The following COL24A1 variants were observed in gnomAD, a reference collection of about 807,000 sequenced individuals.
The protein encoded by COL24A1 is collagen alpha-1(XXIV) chain.
COL24A1 carries 224 observed loss-of-function variants against 253.9 expected under a neutral mutation model. The observed-to-expected ratio is 0.88, with a 90% confidence interval of 0.79 to 0.99. COL24A1 has a LOEUF of 0.99. Among genes scored for constraint, COL24A1 ranks in the 50% least tolerant of loss-of-function variants. The pLI is 0.00. For missense variants in COL24A1, 2,131 were observed against 2,068.5 expected (o/e 1.03, Z -0.59); for synonymous variants, 685 against 673.7 (o/e 1.02, Z -0.26).
chr1:86,076,034 T>G (rs547819638), intron 7 of COL24A1, among the ~76,000 whole-genome samples: 1 of 152,278 alleles, frequency 6.6e-6, no homozygotes, highest in East Asian at 1.9e-4. Context: ...GTATTAGAAG[T>G]TCTGACCAGG....
chr1:85,821,197 T>C (rs965119280), intron 45 of COL24A1, among the ~76,000 whole-genome samples: 2 of 152,212 alleles, frequency 1.3e-5, no homozygotes, highest in African/African-American at 4.8e-5. Context: ...AAATGTTGGT[T>C]CTGCAATTGG....
chr1:85,827,227 T>C (rs1674487290), intron 43 of COL24A1, among the ~76,000 whole-genome samples: 1 of 151,934 alleles, frequency 6.6e-6, no homozygotes, highest in Admixed American at 6.6e-5. Flanking sequence ...GTGGATTACA[T>C]TTATTGAATT....
intron 9 of COL24A1, among the ~76,000 whole-genome samples, chr1:86,058,900 C>T (rs1164485774): frequency 6.6e-6 from 1 of 152,070 alleles, no homozygotes; most frequent in Non-Finnish European, 1.5e-5. Flanking sequence ...TTCCATTGTA[C>T]ATCACATCAA....
chr1:86,001,754 T>C (rs76730403), intron 19 of COL24A1, among the ~76,000 whole-genome samples: 1 of 152,090 alleles, frequency 6.6e-6, no homozygotes, highest in Non-Finnish European at 1.5e-5. Context: ...GGAGGAAATA[T>C]ATATACACAC....
intron 2 of COL24A1, among the ~76,000 whole-genome samples, chr1:86,138,051 T>C: frequency 6.6e-6 from 1 of 152,306 alleles, no homozygotes; most frequent in Admixed American, 6.5e-5. Context: ...AAACTAGTAT[T>C]TTCCTTCATT....
At chr1:85,995,310 T>G (rs1037467760) in intron 19 of COL24A1, among the ~76,000 whole-genome samples, 7 of 152,186 alleles carry the variant, frequency 4.6e-5, no homozygotes, top group Admixed American at 3.9e-4. Flanking sequence ...GGTCTTGAAC[T>G]TCTGGCCTCA....
intron 24 of COL24A1, among the ~76,000 whole-genome samples, chr1:85,922,484 A>G (rs886871111): frequency 9.9e-5 from 15 of 152,246 alleles, no homozygotes; most frequent in Non-Finnish European, 1.6e-4. Context: ...CAGAAACTCT[A>G]TAAGCCAGAA....
chr1:86,051,456 T>C (rs1034433906), intron 10 of COL24A1, among the ~76,000 whole-genome samples: 6 of 152,058 alleles, frequency 3.9e-5, no homozygotes, highest in Non-Finnish European at 5.9e-5. Flanking sequence ...AGCTAAGTCC[T>C]GAAGAAAAGA....
At chr1:85,872,049 C>T (rs1392661701) in intron 35 of COL24A1, among the ~76,000 whole-genome samples, 1 of 152,064 alleles carries the variant, frequency 6.6e-6, no homozygotes, top group Non-Finnish European at 1.5e-5. Flanking sequence ...TCTTATACAC[C>T]AATAACAGAC....
At chr1:85,890,515 T>C (rs549157326) in intron 31 of COL24A1, among the ~76,000 whole-genome samples, 4 of 152,040 alleles carry the variant, frequency 2.6e-5, no homozygotes, top group Non-Finnish European at 4.4e-5. Flanking sequence ...TATCTTTTCA[T>C]GTGCTTACTG....
At chr1:86,134,290 C>CA (rs1557769997) in intron 2 of COL24A1, among the ~76,000 whole-genome samples, 1 of 151,348 alleles carries the variant, frequency 6.6e-6, no homozygotes, top group African/African-American at 2.4e-5. Context: ...TTGATCTTTT[C>CA]AAAAAACCAG....
At chr1:85,830,810 G>T (rs1310558285) in intron 43 of COL24A1, among the ~76,000 whole-genome samples, 1 of 152,134 alleles carries the variant, frequency 6.6e-6, no homozygotes, top group Non-Finnish European at 1.5e-5. Context: ...CCACTGACCT[G>T]CGCCCACTGT....
At chr1:85,943,201 C>T (rs970545168) in intron 24 of COL24A1, among the ~76,000 whole-genome samples, 1 of 152,220 alleles carries the variant, frequency 6.6e-6, no homozygotes, top group African/African-American at 2.4e-5. Context: ...CCAGTACCCG[C>T]TATGTCCTGT....
At chr1:85,972,686 G>A (rs1218092714) in intron 20 of COL24A1, among the ~76,000 whole-genome samples, 1 of 150,824 alleles carries the variant, frequency 6.6e-6, no homozygotes, top group Non-Finnish European at 1.5e-5. Context: ...CTGTAACTGT[G>A]AACATGTGAC....
At chr1:85,843,151 C>T (rs1335131982) in intron 39 of COL24A1, among the ~76,000 whole-genome samples, 2 of 152,068 alleles carry the variant, frequency 1.3e-5, no homozygotes, top group East Asian at 3.9e-4. Context: ...ATGTGACTTG[C>T]CAAATGTCAT....
chr1:86,004,852 G>C (rs146122479), intron 19 of COL24A1, among the ~76,000 whole-genome samples: 1 of 152,186 alleles, frequency 6.6e-6, no homozygotes, highest in African/African-American at 2.4e-5. Context: ...CAAATAAAAA[G>C]AGAAGTCACC....
chr1:86,072,182 A>G (rs1701925609), intron 7 of COL24A1, among the ~76,000 whole-genome samples: 1 of 152,164 alleles, frequency 6.6e-6, no homozygotes, highest in Admixed American at 6.5e-5. Context: ...CCTGGAAAGG[A>G]GGCTGAAGCC....
intron 53 of COL24A1, among the ~76,000 whole-genome samples, chr1:85,774,307 T>G (rs1039710273): frequency 2.0e-5 from 3 of 152,206 alleles, no homozygotes; most frequent in African/African-American, 7.2e-5. Flanking sequence ...TTGATGTTCA[T>G]CAGGGATATT....
intron 3 of COL24A1, among the ~76,000 whole-genome samples, chr1:86,121,165 T>A (rs146533961): frequency 0.014 from 2,067 of 152,150 alleles, 26 homozygotes; most frequent in Non-Finnish European, 0.019. Flanking sequence ...GGGGGAGGGA[T>A]AGCATTAGGA....
Sources: allele counts gnomAD v4.1 joint callset (sites outside exome capture counted in the v4.1 genomes callset), GRCh38; gene constraint gnomAD v4.1.1; transcripts MANE v1.5; gene names NCBI Gene and HGNC (gene_info 2026-07-23, HGNC 2026-07-21).